Variants in MYLK observed in about 807,000 individuals in gnomAD.
The protein encoded by MYLK is myosin light chain kinase.
Under a neutral mutation model 203.4 loss-of-function variants are expected in MYLK, and 106 were observed. The ratio of observed to expected loss-of-function variants is 0.52; its 90% CI spans 0.45 to 0.61. The LOEUF (loss-of-function observed/expected upper bound fraction) is 0.61, where lower values mean the gene tolerates loss of function less well. MYLK is among the 20% of genes least tolerant of loss of function. The pLI is 0.00. For synonymous variants in MYLK, 867 were observed against 959.5 expected (o/e 0.90, Z 1.78); for missense variants, 2,072 against 2,442.3 (o/e 0.85, Z 3.20).
At chr3:123,637,729 C>A (rs1424278024) in intron 29 of MYLK, among the ~76,000 whole-genome samples, 1 of 152,162 alleles carries the variant, frequency 6.6e-6, no homozygotes, top group African/African-American at 2.4e-5. Flanking sequence ...TGTGGACCCA[C>A]ACAAGTGAGG....
intron 29 of MYLK, among the ~76,000 whole-genome samples, chr3:123,632,658 TA>T (rs1471137297): frequency 6.6e-6 from 1 of 152,132 alleles, no homozygotes; most frequent in African/African-American, 2.4e-5. Flanking sequence ...ATAAAAAATA[TA>T]ATACATACAC....
intron 2 of MYLK, among the ~76,000 whole-genome samples, chr3:123,859,372 T>C (rs200757447): frequency 6.6e-6 from 1 of 152,246 alleles, no homozygotes; most frequent in Non-Finnish European, 1.5e-5. Context: ...TATGTATACA[T>C]GAAGTTTTCA....
chr3:123,720,839 C>T (rs1347998614), intron 13 of MYLK, among the ~76,000 whole-genome samples: 1 of 152,202 alleles, frequency 6.6e-6, no homozygotes, highest in Non-Finnish European at 1.5e-5. Context: ...GTTCCTTCAT[C>T]CCTAAGGGAC....
At chr3:123,705,178 C>T (rs910525253) in intron 16 of MYLK, among the ~76,000 whole-genome samples, 5 of 151,864 alleles carry the variant, frequency 3.3e-5, no homozygotes, top group African/African-American at 4.9e-5. Context: ...TCATTCCCCT[C>T]GAAAGGCACC....
chr3:123,788,130 A>T (rs1281856815), intron 4 of MYLK, among the ~76,000 whole-genome samples: 1 of 152,208 alleles, frequency 6.6e-6, no homozygotes, highest in Admixed American at 6.5e-5. Flanking sequence ...CTTAAGTAGC[A>T]GAAGGAAGGA....
intron 31 of MYLK, chr3:123,623,523 C>T (rs1221924885): frequency 6.6e-6 from 1 of 152,168 alleles, no homozygotes; most frequent in Non-Finnish European, 1.5e-5. Flanking sequence ...CCTAGCTTTG[C>T]TTGTAGGGAT....
intron 3 of MYLK, among the ~76,000 whole-genome samples, chr3:123,823,759 C>T (rs1194055049): frequency 2.6e-5 from 4 of 152,216 alleles, no homozygotes; most frequent in Non-Finnish European, 4.4e-5. Context: ...ATGGCCTACA[C>T]GGCCCTGCAT....
chr3:123,669,455 AT>A (rs373850488), intron 20 of MYLK, among the ~76,000 whole-genome samples: 8 of 151,198 alleles, frequency 5.3e-5, no homozygotes, highest in Admixed American at 2.0e-4. Context: ...CATAAAGGAC[AT>A]TTATAGGATA....
chr3:123,650,837 T>C (rs1443170640), intron 24 of MYLK, among the ~76,000 whole-genome samples: 1 of 152,228 alleles, frequency 6.6e-6, no homozygotes, highest in Non-Finnish European at 1.5e-5. Context: ...GAGAATCTGA[T>C]CATTCTACCT....
At chr3:123,733,250 C>A in intron 10 of MYLK, 148 bp from the exon 11 acceptor site, 1 of 883,002 alleles carries the variant, frequency 1.1e-6, no homozygotes, top group Non-Finnish European at 1.8e-6. Flanking sequence ...TCCTCACCCT[C>A]AACCACACTC....
rs761590079 is a variant in MYLK, at chr3:123,640,496, C to T, written c.4628G>A (p.Gly1543Glu). The T allele has an allele frequency of 6.2e-7, 1 of 1,613,930 alleles. No individual in the cohort carries two copies. Among genetic ancestry groups the T allele is most frequent in the Non-Finnish European group, 8.5e-7 (1 of 1,180,044 alleles). ...NIVMVLEIVS[G>E]GELFERIIDE... is the part of the protein sequence containing the mutation. ...AATGATGCGCTCAAACAGCTCCCCTCCTGACACGCTGCGGGAACACGTGCA... is the reference window on the plus strand; with the variant it reads ...AATGATGCGCTCAAACAGCTCCCCTTCTGACACGCTGCGGGAACACGTGCA... Residue 1543 changes from glycine to glutamate, a missense_variant, in exon 28 of 34, where the codon GGA (glycine) becomes GAA (glutamate). Gly to Glu is a moderately conservative substitution (Grantham distance 98). Transcript: ENST00000360304. The surrounding 1 kb of genome is among the most constrained non-coding windows in gnomAD (Gnocchi z 4.3).
intron 3 of MYLK, among the ~76,000 whole-genome samples, chr3:123,830,764 G>GCCCT (rs922461604): frequency 3.9e-5 from 6 of 152,150 alleles, no homozygotes; most frequent in African/African-American, 1.2e-4. Context: ...CCTAAGGAGG[G>GCCCT]GGTCAAGGGT....
At chr3:123,731,773 G>C (rs1313015452) in intron 11 of MYLK, among the ~76,000 whole-genome samples, 1 of 65,568 alleles carries the variant, frequency 1.5e-5, no homozygotes, top group African/African-American at 4.7e-5. Flanking sequence ...CTCTCAAACA[G>C]ATGAACTTAT....
At chr3:123,870,717 T>C (rs74766239) in intron 2 of MYLK, among the ~76,000 whole-genome samples, 1,813 of 152,370 alleles carry the variant, frequency 0.012, 42 homozygotes, top group African/African-American at 0.042. Flanking sequence ...CCAGGTTTAC[T>C]GAAACACATC....
intron 2 of MYLK, among the ~76,000 whole-genome samples, chr3:123,873,976 A>G (rs989800293): frequency 6.6e-6 from 1 of 152,098 alleles, no homozygotes; most frequent in Non-Finnish European, 1.5e-5. Flanking sequence ...GCCAAAAACT[A>G]TAAAATATTG....
Position 123,648,191 on chromosome 3 carries a change from C to T in MYLK, c.4416-764G>A, listed in dbSNP as rs904766920. ...GGAGTCCCACTCCTTTCTCTCCCAC[C>T]TCTTCTATTCCTCCAGGGACAGCGT... On this transcript the variant is annotated intron_variant, in intron 26 of 33. Transcript: ENST00000360304. This position sits in a 1 kb window ranked among gnomAD's most constrained non-coding sequence, Gnocchi z 4.5. Among the ~76,000 whole-genome samples the T allele has an allele frequency of 3.9e-5, 6 of 152,210 alleles. No individual in the cohort carries two copies. Among genetic ancestry groups the T allele is most frequent in the African/African-American group, 1.4e-4 (6 of 41,452 alleles).
At chr3:123,788,544 C>G (rs7643835) in intron 4 of MYLK, among the ~76,000 whole-genome samples, 4 of 120,496 alleles carry the variant, frequency 3.3e-5, no homozygotes, top group Non-Finnish European at 5.0e-5. Context: ...CCCCTCCCCC[C>G]ACCCCACAAC....
At chr3:123,763,441 T>C (rs373788291) in intron 4 of MYLK, among the ~76,000 whole-genome samples, 3 of 152,244 alleles carry the variant, frequency 2.0e-5, no homozygotes, top group East Asian at 3.8e-4. Context: ...ACCATTCCAA[T>C]AGTTTTCTAA....
chr3:123,786,503 G>C (rs2064531290), intron 4 of MYLK, among the ~76,000 whole-genome samples: 2 of 127,748 alleles, frequency 1.6e-5, no homozygotes, highest in Non-Finnish European at 3.3e-5. Context: ...CCAGAGGCTG[G>C]GAAGGGTAGT....
Sources: gnomAD v4.1 joint callset for allele counts (sites outside exome capture counted in the v4.1 genomes callset) on GRCh38, gnomAD v4.1.1 for gene constraint, Gnocchi (gnomAD v3.1) non-coding constraint, MANE v1.5 for transcripts, NCBI Gene and HGNC (gene_info 2026-07-23, HGNC 2026-07-21) for gene names.